The following CDH13 variants were observed in gnomAD, a reference collection of about 807,000 sequenced individuals.
CDH13 encodes cadherin 13, also known as cadherin-13.
In CDH13, 24 loss-of-function variants were observed where a neutral mutation model predicts 63.8. That is an observed-to-expected ratio of 0.38 (90% CI 0.27 to 0.53). The LOEUF is 0.53. CDH13 is among the 20% of genes least tolerant of loss of function. The probability of loss-of-function intolerance (pLI) is 0.85; values close to 1 mark genes in which losing one functional copy is unlikely to be tolerated. For synonymous variants in CDH13, 503 were observed against 355.3 expected (o/e 1.42, Z -4.67); for missense variants, 1,049 against 903.1 (o/e 1.16, Z -2.07).
intron 2 of CDH13, among the ~76,000 whole-genome samples, chr16:82,865,614 A>T (rs1031752698): frequency 8.5e-5 from 13 of 152,212 alleles, no homozygotes; most frequent in African/African-American, 3.1e-4. Flanking sequence ...GGTCTGGCCC[A>T]TGAGACCATT....
intron 2 of CDH13, among the ~76,000 whole-genome samples, chr16:83,014,768 A>ATG (rs1181800681): frequency 2.2e-5 from 1 of 44,880 alleles, no homozygotes; most frequent in Non-Finnish European, 4.5e-5. Flanking sequence ...ATATATATAT[A>ATG]TATATATGTA....
chr16:82,782,021 G>C (rs2035777558), intron 1 of CDH13, among the ~76,000 whole-genome samples: 1 of 152,198 alleles, frequency 6.6e-6, no homozygotes, highest in East Asian at 1.9e-4. Context: ...ACCAGCCAGG[G>C]GTGAGGAACA....
chr16:82,890,536 A>T (rs2041043464), intron 2 of CDH13, among the ~76,000 whole-genome samples: 1 of 152,166 alleles, frequency 6.6e-6, no homozygotes. Flanking sequence ...TTCCATCAGG[A>T]TAGTAAATTA....
At chr16:82,718,198 C>T (rs1368797583) in intron 1 of CDH13, among the ~76,000 whole-genome samples, 5 of 152,206 alleles carry the variant, frequency 3.3e-5, no homozygotes, top group African/African-American at 1.2e-4. Flanking sequence ...CCACTGGGGA[C>T]TCTGGGAGAC....
At chr16:83,532,781 T>G (rs1368790633) in intron 7 of CDH13, among the ~76,000 whole-genome samples, 1 of 152,208 alleles carries the variant, frequency 6.6e-6, no homozygotes, top group African/African-American at 2.4e-5. Context: ...TCTGTCCCTT[T>G]GCACTAGAGC....
chr16:83,000,570 TTCTC>T (rs1429933556), intron 2 of CDH13, among the ~76,000 whole-genome samples: 1 of 137,554 alleles, frequency 7.3e-6, no homozygotes, highest in Non-Finnish European at 1.5e-5. Flanking sequence ...CTTTTTTCTT[TTCTC>T]TTTTTTTTTT....
At chr16:83,532,585 G>A (rs1226299991) in intron 7 of CDH13, among the ~76,000 whole-genome samples, 1 of 152,214 alleles carries the variant, frequency 6.6e-6, no homozygotes, top group African/African-American at 2.4e-5. Context: ...AATATTTGCT[G>A]AATGAATAAA....
At chr16:82,794,519 T>C (rs2036485960) in intron 1 of CDH13, among the ~76,000 whole-genome samples, 1 of 151,702 alleles carries the variant, frequency 6.6e-6, no homozygotes. Flanking sequence ...AGCTGATAAA[T>C]AACATAAAAG....
intron 1 of CDH13, among the ~76,000 whole-genome samples, chr16:82,817,010 C>T (rs1044275906): frequency 6.6e-6 from 1 of 152,012 alleles, no homozygotes; most frequent in Admixed American, 6.6e-5. Context: ...GGAGCTATCC[C>T]TTAGGAGGAG....
intron 1 of CDH13, among the ~76,000 whole-genome samples, chr16:82,674,123 G>T (rs549754194): frequency 1.7e-4 from 26 of 152,226 alleles, no homozygotes; most frequent in African/African-American, 6.0e-4. Context: ...TCTTGATATG[G>T]ATGGCAGACA....
intron 1 of CDH13, among the ~76,000 whole-genome samples, chr16:82,668,520 T>C (rs1912874459): frequency 6.6e-6 from 1 of 151,092 alleles, no homozygotes; most frequent in Non-Finnish European, 1.5e-5. Context: ...AATGTTTTTT[T>C]GTTGTTGTTG....
intron 2 of CDH13, among the ~76,000 whole-genome samples, chr16:82,891,151 A>C (rs534697290): frequency 3.0e-4 from 45 of 151,814 alleles, no homozygotes; most frequent in Non-Finnish European, 6.0e-4. Flanking sequence ...ATTATGTAGC[A>C]ATGATGTTAC....
intron 11 of CDH13, among the ~76,000 whole-genome samples, chr16:83,760,870 C>T (rs893442503): frequency 3.3e-5 from 5 of 152,228 alleles, no homozygotes; most frequent in Non-Finnish European, 5.9e-5. Flanking sequence ...TTTAGACAGA[C>T]TCTCAGCATC....
intron 3 of CDH13, among the ~76,000 whole-genome samples, chr16:83,065,747 A>T (rs999511336): frequency 5.3e-5 from 8 of 149,614 alleles, no homozygotes; most frequent in Non-Finnish European, 1.0e-4. Flanking sequence ...AAAAAACAAG[A>T]CTACTTTTAG....
intron 1 of CDH13, among the ~76,000 whole-genome samples, chr16:82,740,522 C>T (rs1395063958): frequency 6.6e-6 from 1 of 152,180 alleles, no homozygotes; most frequent in Non-Finnish European, 1.5e-5. Flanking sequence ...ACAAGCCATG[C>T]TAAAATTCCA....
At chr16:82,878,466 C>G (rs977362693) in intron 2 of CDH13, among the ~76,000 whole-genome samples, 1 of 135,410 alleles carries the variant, frequency 7.4e-6, no homozygotes, top group South Asian at 2.7e-4. Flanking sequence ...AGATACATTT[C>G]AGTAAGGTTG....
At chr16:83,171,424 T>C in intron 4 of CDH13, 2 of 1,004,506 alleles carry the variant, frequency 2.0e-6, no homozygotes, top group Non-Finnish European at 3.0e-6. Context: ...ACATGAGATT[T>C]GGGTGAGGAC....
At chr16:83,534,828 C>T (rs1341263173) in intron 7 of CDH13, among the ~76,000 whole-genome samples, 1 of 152,184 alleles carries the variant, frequency 6.6e-6, no homozygotes, top group Non-Finnish European at 1.5e-5. Flanking sequence ...ATTAGCAGTG[C>T]GTATACACAC....
rs771213089 is a variant in CDH13 at position 83,185,568 on chromosome 16, T to C, written c.484-31777T>C. On this transcript the variant is annotated intron_variant, in intron 4 of 13. Transcript: ENST00000567109. Reference sequence around the variant, plus strand: ...CACCACGGTAAGTCATGATTTTTCATACTTGAACAGTATCACTTCATCTAA... The same window carrying C: ...CACCACGGTAAGTCATGATTTTTCACACTTGAACAGTATCACTTCATCTAA... 2.6e-5 allele frequency among the ~76,000 whole-genome samples: 4 copies of C among 152,248 alleles called. No homozygotes were observed. In the East Asian group the frequency reaches 7.7e-4, roughly 29 times the overall value.
Sources: gnomAD v4.1 joint callset for allele counts (sites outside exome capture counted in the v4.1 genomes callset) on GRCh38, gnomAD v4.1.1 for gene constraint, MANE v1.5 for transcripts, NCBI Gene and HGNC (gene_info 2026-07-23, HGNC 2026-07-21) for gene names.